PHAX: variants seen among roughly 807,000 people sequenced by gnomAD.
PHAX encodes phosphorylated adapter RNA export protein.
In PHAX, 31 loss-of-function variants were observed where a neutral mutation model predicts 41.6. The ratio of observed to expected loss-of-function variants is 0.75; its 90% confidence interval spans 0.56 to 1.01. The LOEUF (loss-of-function observed/expected upper bound fraction) is 1.01, where lower values mean the gene tolerates loss of function less well. Ranked by LOEUF, PHAX falls within the 50% of genes least tolerant of loss-of-function variation. The pLI is 0.00. For missense variants in PHAX, 453 were observed against 472.9 expected, an observed-to-expected ratio of 0.96 and a Z score of 0.39; for synonymous variants, 175 against 164.9, an observed-to-expected ratio of 1.06 and a Z score of -0.47.
chr5:126,615,529 G>A (rs547758695), intron 3 of PHAX, among the ~76,000 whole-genome samples: 2 of 115,782 alleles, frequency 1.7e-5, no homozygotes, highest in South Asian at 2.7e-4. Context: ...TTTTTTTTGC[G>A]CCCCTCTGGG....
At chr5:126,607,840 T>C (rs1752015061) in intron 2 of PHAX, among the ~76,000 whole-genome samples, 1 of 152,132 alleles carries the variant, frequency 6.6e-6, no homozygotes, top group Non-Finnish European at 1.5e-5. Flanking sequence ...GCTGGCATAG[T>C]GCATGTAAGG....
Position 126,626,992 on chromosome 5 carries a change from A to G in PHAX, c.*2148A>G, listed in dbSNP as rs181563506. On this transcript the variant is annotated 3_prime_UTR_variant, in exon 5 of 5. Coordinates refer to ENST00000297540, the MANE Select transcript of PHAX (RefSeq NM_032177.4). ...ATTAATGAAGAAAATAAGGTAGTTT[A>G]GACATTCCAAGAGTTAACTATAGTT... 5 of 152,334 alleles carry G rather than the reference A, an allele frequency of 3.3e-5. No homozygotes were observed. The highest frequency in any genetic ancestry group is 3.3e-4 in the Admixed American group (5 of 15,286). The allele number at this position is 152,334 out of a possible 1,614,324, so 9.4% of individuals were successfully genotyped here.
chr5:126,604,006 A>G lies in PHAX; in HGVS notation c.533A>G (p.Tyr178Cys), dbSNP rs143133882. Reference sequence around the variant, plus strand: ...GATCTAGACAAGGAACTAGATGAATATATGCATGGTGGCAAAAAAATGGGA... The same window carrying G: ...GATCTAGACAAGGAACTAGATGAATGTATGCATGGTGGCAAAAAAATGGGA... ...TKDLDKELDE[Y>C]MHGGKKMGSK... The change falls in exon 2 of 5, where the codon TAT becomes TGT. Residue 178 changes from tyrosine (Y) to cysteine (C), a missense_variant. Tyr to Cys is a radical substitution (Grantham distance 194). Transcript: ENST00000297540. The G allele has an allele frequency of 9.3e-5, 150 of 1,613,954 alleles. No homozygotes were observed. Among genetic ancestry groups the G allele is most frequent in the Non-Finnish European group, 1.2e-4 (143 of 1,180,002 alleles).
At chr5:126,622,998 C>T (rs1045244144) in intron 4 of PHAX, among the ~76,000 whole-genome samples, 2 of 151,846 alleles carry the variant, frequency 1.3e-5, no homozygotes, top group Non-Finnish European at 2.9e-5. Context: ...TGGTAGCTCA[C>T]GCCTGTAGTT....
At chr5:126,613,221 T>G (rs919068747) in intron 3 of PHAX, among the ~76,000 whole-genome samples, 2 of 152,076 alleles carry the variant, frequency 1.3e-5, no homozygotes, top group Admixed American at 6.6e-5. Flanking sequence ...TGGTGGCATG[T>G]GCCTGTAATC....
At chr5:126,609,733 C>G (rs1197384346) in intron 3 of PHAX, among the ~76,000 whole-genome samples, 6 of 151,824 alleles carry the variant, frequency 4.0e-5, no homozygotes, top group African/African-American at 1.5e-4. Flanking sequence ...AACAAAACAC[C>G]CTTTTTTTTG....
At chr5:126,612,014 A>T (rs115351762) in intron 3 of PHAX, among the ~76,000 whole-genome samples, 4 of 152,066 alleles carry the variant, frequency 2.6e-5, no homozygotes, top group Non-Finnish European at 5.9e-5. Flanking sequence ...AAGGGTGCCC[A>T]GCAAGGCCAG....
At chr5:126,601,166 C>T in intron 1 of PHAX, 108 bp downstream of exon 1, 1 of 764,020 alleles carries the variant, frequency 1.3e-6, no homozygotes, top group Non-Finnish European at 2.2e-6. Context: ...GGAGCCCGGG[C>T]CAGAGCGAGG....
chr5:126,609,095 A>AATTTTTTTTTT (rs1554102816), intron 3 of PHAX, among the ~76,000 whole-genome samples: 1 of 101,256 alleles, frequency 9.9e-6, no homozygotes, highest in Non-Finnish European at 1.8e-5. Flanking sequence ...TAGGGGTTGA[A>AATTTTTTTTTT]TTTTTTTTTT....
chr5:126,612,053 CT>C (rs1752111095), intron 3 of PHAX, among the ~76,000 whole-genome samples: 1 of 152,042 alleles, frequency 6.6e-6, no homozygotes, highest in Non-Finnish European at 1.5e-5. Context: ...AGTTTACTTG[CT>C]TTAGGTTCAA....
chr5:126,611,669 T>A (rs781213281), intron 3 of PHAX, among the ~76,000 whole-genome samples: 4 of 151,964 alleles, frequency 2.6e-5, no homozygotes, highest in Non-Finnish European at 5.9e-5. Context: ...CACATGTGTT[T>A]AGTCCCAACT....
rs1206055582 is a variant in PHAX, at chr5:126,626,755, CA to C, written c.*1917del. Reference sequence around the variant, plus strand: ...CCTCTCAAAAAAAAAAAAAAAAATACAAAAAATTAGCCGGGCATTGTGGTGC... The same window carrying C: ...CCTCTCAAAAAAAAAAAAAAAAATACAAAAATTAGCCGGGCATTGTGGTGC... On this transcript the variant is annotated 3_prime_UTR_variant, in exon 5 of 5. Coordinates refer to ENST00000297540, the MANE Select transcript of PHAX (RefSeq NM_032177.4). The C allele has an allele frequency of 1.1e-5, 1 of 94,552 alleles. No individual in the cohort carries two copies. The highest frequency in any genetic ancestry group is 1.9e-5 in the Non-Finnish European group (1 of 51,664). The allele number at this position is 94,552 out of a possible 1,614,324, so 5.9% of individuals were successfully genotyped here. A position where few individuals can be genotyped will look rare whatever the true frequency, so the allele number is the denominator to read the frequency against.
intron 1 of PHAX, among the ~76,000 whole-genome samples, chr5:126,601,693 G>T (rs112660519): frequency 0.044 from 6,680 of 152,196 alleles, 289 homozygotes; most frequent in African/African-American, 0.11. Context: ...TTTTGAGGTG[G>T]TCTCACGCTG....
At chr5:126,616,047 C>CT (rs35245075) in intron 3 of PHAX, among the ~76,000 whole-genome samples, 36,782 of 123,654 alleles carry the variant, frequency 0.3, 7,147 homozygotes, top group African/African-American at 0.55. Flanking sequence ...CAACCACCAA[C>CT]TTTTTTTTTT....
At chr5:126,614,031 A>T (rs921342832) in intron 3 of PHAX, among the ~76,000 whole-genome samples, 1 of 151,264 alleles carries the variant, frequency 6.6e-6, no homozygotes, top group Non-Finnish European at 1.5e-5. Context: ...ATCTGCCTCT[A>T]GGATTACAGG....
chr5:126,607,930 G>T (rs1248627549), intron 2 of PHAX, among the ~76,000 whole-genome samples: 1 of 152,152 alleles, frequency 6.6e-6, no homozygotes, highest in East Asian at 1.9e-4. Context: ...CTGAGGCAGG[G>T]AGTCTATGAG....
chr5:126,624,039 C>T (rs1311632426), intron 4 of PHAX, among the ~76,000 whole-genome samples: 3 of 138,102 alleles, frequency 2.2e-5, no homozygotes, highest in African/African-American at 2.9e-5. Flanking sequence ...GACACAGTCT[C>T]GCTCTGCTGC....
intron 4 of PHAX, among the ~76,000 whole-genome samples, chr5:126,622,531 G>C (rs972652086): frequency 2.2e-5 from 3 of 134,042 alleles, no homozygotes; most frequent in African/African-American, 8.4e-5. Context: ...GACCTCAAGT[G>C]ATCTGACCAC....
chr5:126,607,843 A>C (rs984479233), intron 2 of PHAX, among the ~76,000 whole-genome samples: 8 of 152,168 alleles, frequency 5.3e-5, no homozygotes, highest in African/African-American at 1.9e-4. Context: ...GGCATAGTGC[A>C]TGTAAGGTTC....
Sources: gnomAD v4.1 joint callset for allele counts (sites outside exome capture counted in the v4.1 genomes callset) on GRCh38, gnomAD v4.1.1 for gene constraint, MANE v1.5 for transcripts, NCBI Gene and HGNC (gene_info 2026-07-23, HGNC 2026-07-21) for gene names.